MAPK10: variants seen among roughly 807,000 people sequenced by gnomAD.
MAPK10 encodes the protein JNK3 alpha protein kinase.
Under a neutral mutation model 59.3 loss-of-function variants are expected in MAPK10, and 25 were observed. The ratio of observed to expected loss-of-function variants is 0.42; its 90% CI spans 0.31 to 0.59. The LOEUF is 0.59. MAPK10 is among the 20% of genes least tolerant of loss of function. The pLI, the probability that MAPK10 is intolerant of heterozygous loss-of-function variation, is 0.15. For missense variants in MAPK10, 351 were observed against 568.9 expected (o/e 0.62, Z 3.90); for synonymous variants, 190 against 200.5 (o/e 0.95, Z 0.44).
rs182268655 is a variant in MAPK10 at position 86,019,806 on chromosome 4, T to C, written c.1253-2436A>G. 1.8e-3 allele frequency among the ~76,000 whole-genome samples: 276 copies of C among 152,318 alleles called. 4 individuals are homozygous for C. Among genetic ancestry groups the C allele is most frequent in the African/African-American group, 6.4e-3 (264 of 41,558 alleles). ...TGTGAGCCTAGCAGAGGGAAATTGC[T>C]TTTTTCTTACTATTTGTCTGCTGGA... On this transcript the variant is annotated intron_variant, in intron 13 of 13. Transcript: ENST00000641462.
chr4:86,154,953 A>G (rs967676675), intron 4 of MAPK10, among the ~76,000 whole-genome samples: 3 of 152,074 alleles, frequency 2.0e-5, no homozygotes, highest in Admixed American at 6.6e-5. Flanking sequence ...CATGCACCCT[A>G]ACATGGCCAA....
At chr4:86,240,160 G>T (rs1207249741) in intron 2 of MAPK10, among the ~76,000 whole-genome samples, 3 of 152,192 alleles carry the variant, frequency 2.0e-5, no homozygotes, top group African/African-American at 7.2e-5. Flanking sequence ...GTGTGGTTTT[G>T]ATTGAGTTTC....
intron 9 of MAPK10, among the ~76,000 whole-genome samples, chr4:86,091,657 T>C (rs1183798817): frequency 6.7e-6 from 1 of 150,218 alleles, no homozygotes; most frequent in Non-Finnish European, 1.5e-5. Context: ...TTAGCACCAG[T>C]TGGTTCTATA....
chr4:86,464,842 CT>C lies in MAPK10; in HGVS notation c.-262-110199del, dbSNP rs879822797. Among the ~76,000 whole-genome samples, 233 of 152,046 alleles carry C rather than the reference CT, an allele frequency of 1.5e-3. 6 individuals carry two copies. The highest frequency in any genetic ancestry group is 1.7e-3 in the Non-Finnish European group (113 of 67,956). The stretch of plus-strand genomic sequence containing the variant: ...CTCAAAAAAAAAAAAAGAATGCACC[CT>C]TTTTACATCACTCACATTAGGGCTC... On this transcript the variant is annotated intron_variant, in intron 1 of 4. Coordinates refer to the MAPK10 transcript ENST00000502302.
chr4:86,469,186 C>G (rs997421725), intron 1 of MAPK10, among the ~76,000 whole-genome samples: 1 of 150,426 alleles, frequency 6.6e-6, no homozygotes, highest in African/African-American at 2.4e-5. Flanking sequence ...TCCCCTTGAG[C>G]CTTGAGCCCT....
At chr4:86,427,423 T>TC (rs1747446831) in intron 1 of MAPK10, among the ~76,000 whole-genome samples, 1 of 152,118 alleles carries the variant, frequency 6.6e-6, no homozygotes. Context: ...TACCATAGTT[T>TC]CCCCATTGAA....
intron 2 of MAPK10, among the ~76,000 whole-genome samples, chr4:86,202,372 A>T (rs183039781): frequency 6.6e-6 from 1 of 151,792 alleles, no homozygotes; most frequent in Non-Finnish European, 1.5e-5. Context: ...ATTCATTTGT[A>T]TGTCTTTTCC....
At chr4:86,107,109 A>T (rs2056684863) in intron 5 of MAPK10, 114 bp downstream of exon 5, 2 of 765,036 alleles carry the variant, frequency 2.6e-6, no homozygotes, top group African/African-American at 1.8e-5. Context: ...AAACAATCTT[A>T]AGAGGCAGGA....
chr4:86,254,918 A>T (rs1029691628), intron 2 of MAPK10, among the ~76,000 whole-genome samples: 2 of 152,126 alleles, frequency 1.3e-5, no homozygotes, highest in African/African-American at 2.4e-5. Flanking sequence ...TGCTCTGATC[A>T]CACTTATTTT....
chr4:86,103,013 T>C, intron 6 of MAPK10, 173 bp downstream of exon 6: 1 of 524,662 alleles, frequency 1.9e-6, no homozygotes, highest in Admixed American at 3.2e-5. Flanking sequence ...TACATATCAC[T>C]GGACCCCTTT....
intron 1 of MAPK10, among the ~76,000 whole-genome samples, chr4:86,475,460 C>T (rs568298336): frequency 6.6e-6 from 1 of 152,306 alleles, no homozygotes; most frequent in South Asian, 2.1e-4. Flanking sequence ...CGCCACACTT[C>T]AATCTCTCCC....
intron 1 of MAPK10, among the ~76,000 whole-genome samples, chr4:86,372,552 GAAAGAAAGAAAGAAAGAAAAGA>G (rs1393767503): frequency 6.4e-5 from 1 of 15,562 alleles, no homozygotes; most frequent in African/African-American, 1.5e-4. Flanking sequence ...AAGAAAGAAA[GAAAGAAAGAAAGAAAGAAAAGA>G]AAAGAAAAGA....
At chr4:86,043,522 A>G (rs2041969830) in intron 11 of MAPK10, among the ~76,000 whole-genome samples, 1 of 152,172 alleles carries the variant, frequency 6.6e-6, no homozygotes, top group Non-Finnish European at 1.5e-5. Context: ...ATAAAGCTAT[A>G]AGTCATACTT....
At chr4:86,300,178 C>A (rs1381016548) in intron 2 of MAPK10, among the ~76,000 whole-genome samples, 4 of 152,206 alleles carry the variant, frequency 2.6e-5, no homozygotes, top group African/African-American at 9.7e-5. Flanking sequence ...CAGGCATGAA[C>A]CACCTCACCT....
intron 1 of MAPK10, among the ~76,000 whole-genome samples, chr4:86,458,856 G>A (rs1183431714): frequency 1.3e-5 from 2 of 152,156 alleles, no homozygotes; most frequent in Non-Finnish European, 2.9e-5. Context: ...ATTGGCTCAG[G>A]CAAAGATTTC....
chr4:86,172,580 G>C lies in MAPK10; in HGVS notation c.67-13113C>G, dbSNP rs572870092. On this transcript the variant is annotated intron_variant, in intron 3 of 13. Coordinates refer to ENST00000641462, the MANE Select transcript of MAPK10 (RefSeq NM_138982.4). ...CACACTCTGCGGACTGTTGTGGGGT[G>C]GGGGGAGTGGGGAGGGATAGCATTA... Among the ~76,000 whole-genome samples, 12 of 150,704 alleles carry C rather than the reference G, an allele frequency of 8.0e-5. No homozygotes were observed. In the South Asian group the frequency reaches 2.5e-3, roughly 32 times the overall value.
chr4:86,366,047 C>T (rs1046797289), intron 1 of MAPK10, among the ~76,000 whole-genome samples: 9 of 152,128 alleles, frequency 5.9e-5, no homozygotes, highest in Admixed American at 2.0e-4. Context: ...CTTATAAATA[C>T]AAACTTTAGA....
At chr4:86,403,771 G>A (rs1295446510) in intron 1 of MAPK10, among the ~76,000 whole-genome samples, 2 of 150,190 alleles carry the variant, frequency 1.3e-5, no homozygotes, top group East Asian at 3.9e-4. Flanking sequence ...GAACAGCATG[G>A]GGAAAACTGC....
At chr4:86,264,311 G>A (rs547562281) in intron 2 of MAPK10, among the ~76,000 whole-genome samples, 1 of 152,200 alleles carries the variant, frequency 6.6e-6, no homozygotes, top group East Asian at 1.9e-4. Context: ...TCCAAATTAA[G>A]AATATGGTCT....
Sources: gnomAD v4.1 joint callset for allele counts (sites outside exome capture counted in the v4.1 genomes callset) on GRCh38, gnomAD v4.1.1 for gene constraint, MANE v1.5 for transcripts, NCBI Gene and HGNC (gene_info 2026-07-23, HGNC 2026-07-21) for gene names.